Variants in SLC2A4 observed in about 807,000 individuals in gnomAD.
SLC2A4 encodes the protein solute carrier family 2, facilitated glucose transporter member 4.
Under a neutral mutation model 53.3 loss-of-function variants are expected in SLC2A4, and 31 were observed. The observed-to-expected ratio is 0.58, with a 90% CI of 0.44 to 0.78. The LOEUF is 0.78. Ranked by LOEUF, SLC2A4 falls within the 30% of genes least tolerant of loss-of-function variation. The pLI is 0.00. For synonymous variants in SLC2A4, 276 were observed against 281.9 expected (o/e 0.98, Z 0.21); for missense variants, 538 against 655.7 (o/e 0.82, Z 1.96).
Position 7,285,619 on chromosome 17 carries a change from G to T in SLC2A4, c.1123-86G>T. The T allele has an allele frequency of 4.5e-6, 6 of 1,334,466 alleles. No homozygotes were observed. The highest frequency in any genetic ancestry group is 6.4e-6 in the Non-Finnish European group (6 of 932,624). The allele number at this position is 1,334,466 out of a possible 1,614,324, so 82.7% of individuals were successfully genotyped here. The stretch of plus-strand genomic sequence containing the variant: ...CCCCCTACAAGCTGCTGCGGAGGGG[G>T]TTAGGTTTCACTTCTCTGAGTTGAG... On this transcript the variant is annotated intron_variant, in intron 9 of 10. Transcript: ENST00000317370. The surrounding 1 kb of genome is among the most constrained non-coding windows in gnomAD (Gnocchi z 6.0).
intron 10 of SLC2A4, 129 bp downstream of exon 10, chr17:7,286,037 C>T: frequency 2.5e-6 from 2 of 791,156 alleles, no homozygotes; most frequent in Non-Finnish European, 4.0e-6. Context: ...TTTGGTGGAC[C>T]ACCTGCTCCA....
In SLC2A4 at chr17:7,284,330, C is replaced by A. The variant is rs1391943878; in HGVS notation, c.678C>A (p.Ser226Arg). 19 of 1,614,156 alleles carry A rather than the reference C, an allele frequency of 1.2e-5. No homozygotes were observed. The highest frequency in any genetic ancestry group is 1.6e-5 in the Non-Finnish European group (19 of 1,180,038). Residue 226 changes from serine to arginine, a missense_variant, in exon 6 of 11, where the codon AGC becomes AGA. Coordinates refer to ENST00000317370, the MANE Select transcript of SLC2A4 (RefSeq NM_001042.3). This position sits in a 1 kb window ranked among gnomAD's most constrained non-coding sequence, Gnocchi z 7.5. ...TCCTGCTGCCCTTCTGTCCCGAGAG[C>A]CCCCGCTACCTCTACATCATCCAGA... ...QLVLLPFCPE[S>R]PRYLYIIQNL...
chr17:7,288,171 C>T lies in SLC2A4; in HGVS notation c.*1542C>T, dbSNP rs2072468316. 6.5e-6 allele frequency: 1 copy of T among 153,726 alleles called. No individual in the cohort carries two copies. 9.5% of individuals were successfully genotyped at this position (153,726 alleles called of 1,614,324 possible). ...TGGCAGCAAGGATGCCAGGCCCTGC[C>T]CACGGCCCCACATCCCCTCCTCCCC... On this transcript the variant is annotated 3_prime_UTR_variant, in exon 11 of 11. Coordinates refer to ENST00000317370, the MANE Select transcript of SLC2A4 (RefSeq NM_001042.3).
At position 7,285,721 on chromosome 17, in the gene SLC2A4, T is replaced by A; in HGVS notation, c.1139T>A (p.Met380Lys). Residue 380 changes from methionine (M) to lysine (K), a missense_variant, in exon 10 of 11, where the codon ATG (methionine) becomes AAG (lysine). Met to Lys is a moderately conservative substitution (Grantham distance 95, BLOSUM62 -1). Coordinates refer to ENST00000317370, the MANE Select transcript of SLC2A4 (RefSeq NM_001042.3). The surrounding 1 kb of genome is among the most constrained non-coding windows in gnomAD (Gnocchi z 6.0). Reference sequence around the variant, plus strand: ...GGCCCCTAGGAGCGAGTTCCAGCCATGAGCTACGTCTCCATTGTGGCCATC... The same window carrying A: ...GGCCCCTAGGAGCGAGTTCCAGCCAAGAGCTACGTCTCCATTGTGGCCATC... ...ALLLLERVPA[M>K]SYVSIVAIFG... The A allele has an allele frequency of 6.2e-7, 1 of 1,613,184 alleles. No individual in the cohort carries two copies. The highest frequency in any genetic ancestry group is 8.5e-7 in the Non-Finnish European group (1 of 1,179,102).
rs201812559 is a variant in SLC2A4, at chr17:7,284,463, G to A, written c.728-22G>A. The A allele has an allele frequency of 1.2e-6, 2 of 1,614,232 alleles. No individual in the cohort carries two copies. Among genetic ancestry groups the A allele is most frequent in the East Asian group, 2.2e-5 (1 of 44,890 alleles). ...CCTGGCTTCCTCTCAGGTCCCCTCA[G>A]GCCTGACCTTCCCTTCTCCAGGTCT... On this transcript the variant is annotated intron_variant, in intron 6 of 10. Transcript: ENST00000317370. The surrounding 1 kb of genome is among the most constrained non-coding windows in gnomAD (Gnocchi z 7.5).
At position 7,286,853 on chromosome 17, in the gene SLC2A4, C is replaced by T; in HGVS notation, c.*224C>T. On this transcript the variant is annotated 3_prime_UTR_variant, in exon 11 of 11. Coordinates refer to ENST00000317370, the MANE Select transcript of SLC2A4 (RefSeq NM_001042.3). Reference sequence around the variant, plus strand: ...TTATGTGTTGTGGTTTGGCCGTGGCCATCAGGGTGGGCCACTCTCCCCTCC... The same window carrying T: ...TTATGTGTTGTGGTTTGGCCGTGGCTATCAGGGTGGGCCACTCTCCCCTCC... The T allele has an allele frequency of 1.9e-6, 1 of 538,246 alleles. No individual in the cohort carries two copies. Among genetic ancestry groups the T allele is most frequent in the Non-Finnish European group, 3.4e-6 (1 of 297,310 alleles). 33.3% of individuals were successfully genotyped at this position (538,246 alleles called of 1,614,324 possible).
chr17:7,285,275 T>A lies in SLC2A4; in HGVS notation c.1122+86T>A. On this transcript the variant is annotated intron_variant, in intron 9 of 10. Transcript: ENST00000317370. The surrounding 1 kb of genome is among the most constrained non-coding windows in gnomAD (Gnocchi z 6.0). ...TCTGTGACCAGCCAGGGTCCCTTCT[T>A]AACACACATGCTTTCAATCCTGGCG... 1 of 1,102,196 alleles carries A rather than the reference T, an allele frequency of 9.1e-7. No individual in the cohort carries two copies. Among genetic ancestry groups the A allele is most frequent in the Non-Finnish European group, 1.3e-6 (1 of 748,374 alleles). The allele number at this position is 1,102,196 out of a possible 1,614,324, so 68.3% of individuals were successfully genotyped here. A position where few individuals can be genotyped will look rare whatever the true frequency, so the allele number is the denominator to read the frequency against.
chr17:7,286,389 C>A, intron 10 of SLC2A4, 37 bp from the exon 11 acceptor site: 1 of 1,594,506 alleles, frequency 6.3e-7, no homozygotes. Flanking sequence ...CCCTCCCCAC[C>A]TCACTCCGTC....
Position 7,283,304 on chromosome 17 carries a change from G to T in SLC2A4, c.93G>T (p.Ala31=). 1.2e-6 allele frequency: 2 copies of T among 1,614,132 alleles called. No individual in the cohort carries two copies. Among genetic ancestry groups the T allele is most frequent in the South Asian group, 2.2e-5 (2 of 91,084 alleles). ...CCCTGGTCCTTGCTGTGTTCTCTGC[G>T]GTGCTTGGCTCCCTGCAGTTTGGGT... is the stretch of plus-strand genomic sequence containing the variant. ...TGTLVLAVFS[A]VLGSLQFGYN... Residue 31 remains alanine, a synonymous_variant, in exon 2 of 11, where the codon GCG becomes GCT. Coordinates refer to ENST00000317370, the MANE Select transcript of SLC2A4 (RefSeq NM_001042.3). This position sits in a 1 kb window ranked among gnomAD's most constrained non-coding sequence, Gnocchi z 5.8.
chr17:7,281,720 CT>C lies in SLC2A4; in HGVS notation c.-211del. 6 of 613,050 alleles carry C rather than the reference CT, an allele frequency of 9.8e-6. No homozygotes were observed. The highest frequency in any genetic ancestry group is 1.9e-5 in the South Asian group (1 of 52,904). 38.0% of individuals were successfully genotyped at this position (613,050 alleles called of 1,614,324 possible). A position where few individuals can be genotyped will look rare whatever the true frequency, so the allele number is the denominator to read the frequency against. ...GCGAGGTGGCGGGGGCTTCTCGCGT[CT>C]TTTCCCCCAGCCCCGCTCCACCAGA... On this transcript the variant is annotated 5_prime_UTR_variant, in exon 1 of 11. Transcript: ENST00000317370.
In SLC2A4 at chr17:7,283,944, C is replaced by T. The variant is rs1408661798; in HGVS notation, c.449-30C>T. ...GCTTTCAGATGGGAATGGACACCTG[C>T]CCTCAGCCCTCTCTTCTTCCCTCGC... On this transcript the variant is annotated intron_variant, in intron 4 of 10. Transcript: ENST00000317370. The surrounding 1 kb of genome is among the most constrained non-coding windows in gnomAD (Gnocchi z 5.8). 1.2e-6 allele frequency: 2 copies of T among 1,612,808 alleles called. No individual in the cohort carries two copies. The highest frequency in any genetic ancestry group is 1.7e-6 in the Non-Finnish European group (2 of 1,178,874).
chr17:7,286,753 T>A lies in SLC2A4; in HGVS notation c.*124T>A. The A allele has an allele frequency of 1.1e-6, 1 of 902,188 alleles. No homozygotes were observed. The highest frequency in any genetic ancestry group is 1.8e-6 in the Non-Finnish European group (1 of 558,946). The allele number at this position is 902,188 out of a possible 1,614,324, so 55.9% of individuals were successfully genotyped here. On this transcript the variant is annotated 3_prime_UTR_variant, in exon 11 of 11. Coordinates refer to ENST00000317370, the MANE Select transcript of SLC2A4 (RefSeq NM_001042.3). ...CGGGTGGAAAAGAATCCCTGCAGCCTGGTAGAATTGGGAAGCTGGGGGAAG... is the reference window on the plus strand; with the variant it reads ...CGGGTGGAAAAGAATCCCTGCAGCCAGGTAGAATTGGGAAGCTGGGGGAAG...
At position 7,284,056 on chromosome 17, in the gene SLC2A4, A is replaced by C. The variant is rs1182326647; in HGVS notation, c.531A>C (p.Gln177His). ...GGGGCGCCCTGGGGACGCTCAACCA[A>C]CTGGCCATTGTTATCGGCATTCTGA... ...HLRGALGTLN[Q>H]LAIVIGILIA... is the part of the protein sequence containing the mutation. The change falls in exon 5 of 11, where the codon CAA (glutamine) becomes CAC (histidine). Residue 177 changes from glutamine (Q) to histidine (H), a missense_variant. Coordinates refer to ENST00000317370, the MANE Select transcript of SLC2A4 (RefSeq NM_001042.3). The surrounding 1 kb of genome is among the most constrained non-coding windows in gnomAD (Gnocchi z 7.5). 2 of 1,613,758 alleles carry C rather than the reference A, an allele frequency of 1.2e-6. No individual in the cohort carries two copies. Among genetic ancestry groups the C allele is most frequent in the South Asian group, 2.2e-5 (2 of 91,048 alleles).
rs367667985 is a variant in SLC2A4, at chr17:7,283,213, G to C, written c.34-32G>C. The C allele has an allele frequency of 1.3e-6, 2 of 1,562,684 alleles. No homozygotes were observed. Among genetic ancestry groups the C allele is most frequent in the Non-Finnish European group, 1.8e-6 (2 of 1,133,370 alleles). On this transcript the variant is annotated intron_variant, in intron 1 of 10. Transcript: ENST00000317370. This position sits in a 1 kb window ranked among gnomAD's most constrained non-coding sequence, Gnocchi z 5.8. Reference sequence around the variant, plus strand: ...AAGGAAAAAAATCATGGTTCCATGTGACATGCTGTGTCTTTGTGTCTGCCT... The same window carrying C: ...AAGGAAAAAAATCATGGTTCCATGTCACATGCTGTGTCTTTGTGTCTGCCT...
chr17:7,287,740 T>C lies in SLC2A4; in HGVS notation c.*1111T>C, dbSNP rs2072464198. On this transcript the variant is annotated 3_prime_UTR_variant, in exon 11 of 11. Transcript: ENST00000317370. ...GGAGGAGCCTTTGGATATTTTTATA[T>C]ACGTTTGAAAAGGGGATTGAGAGAA... The C allele has an allele frequency of 6.6e-6, 1 of 152,230 alleles. No individual in the cohort carries two copies. Among genetic ancestry groups the C allele is most frequent in the East Asian group, 1.9e-4 (1 of 5,192 alleles). The allele number at this position is 152,230 out of a possible 1,614,324, so 9.4% of individuals were successfully genotyped here. A position where few individuals can be genotyped will look rare whatever the true frequency, so the allele number is the denominator to read the frequency against.
Position 7,281,925 on chromosome 17 carries a change from C to G in SLC2A4, c.-10C>G. On this transcript the variant is annotated 5_prime_UTR_variant, in exon 1 of 11. Coordinates refer to ENST00000317370, the MANE Select transcript of SLC2A4 (RefSeq NM_001042.3). Reference sequence around the variant, plus strand: ...CGCCGCCCCTGCGCGTCCAGCTCTTCTAAGACGAGATGCCGTCGGGCTTCC... The same window carrying G: ...CGCCGCCCCTGCGCGTCCAGCTCTTGTAAGACGAGATGCCGTCGGGCTTCC... 1 of 1,587,332 alleles carries G rather than the reference C, an allele frequency of 6.3e-7. No individual in the cohort carries two copies. The highest frequency in any genetic ancestry group is 2.3e-5 in the East Asian group (1 of 43,382).
rs1343122146 is a variant in SLC2A4 at position 7,283,569 on chromosome 17, C to A, written c.247C>A (p.Leu83Ile). The A allele has an allele frequency of 1.9e-6, 3 of 1,613,978 alleles. No homozygotes were observed. In the South Asian group the frequency reaches 3.3e-5, roughly 18 times the overall value. ...PPGTLTTLWA[L>I]SVAIFSVGGM... is the part of the protein sequence containing the mutation. ...AGGCACCCTCACCACCCTCTGGGCC[C>A]TCTCCGTGGCCATCTTTTCCGTGGG... The change falls in exon 3 of 11, where the codon CTC (leucine) becomes ATC (isoleucine). Residue 83 changes from leucine to isoleucine, a missense_variant. Transcript: ENST00000317370. This position sits in a 1 kb window ranked among gnomAD's most constrained non-coding sequence, Gnocchi z 5.8.
At position 7,284,255 on chromosome 17, in the gene SLC2A4, G is replaced by A; in HGVS notation, c.603G>A (p.Leu201=). Residue 201 remains leucine, a synonymous_variant, in exon 6 of 11, where the codon CTG becomes CTA. Coordinates refer to ENST00000317370, the MANE Select transcript of SLC2A4 (RefSeq NM_001042.3). The surrounding 1 kb of genome is among the most constrained non-coding windows in gnomAD (Gnocchi z 7.5). Reference sequence around the variant, plus strand: ...AGTCCCTCCTGGGCACTGCCAGCCTGTGGCCACTGCTCCTGGGCCTCACAG... The same window carrying A: ...AGTCCCTCCTGGGCACTGCCAGCCTATGGCCACTGCTCCTGGGCCTCACAG... ...GLESLLGTAS[L]WPLLLGLTVL... 1.9e-6 allele frequency: 3 copies of A among 1,613,686 alleles called. No homozygotes were observed. The highest frequency in any genetic ancestry group is 2.5e-6 in the Non-Finnish European group (3 of 1,180,026).
In SLC2A4 at chr17:7,284,417, C is replaced by G; in HGVS notation, c.727+38C>G. On this transcript the variant is annotated intron_variant, in intron 6 of 10. Coordinates refer to ENST00000317370, the MANE Select transcript of SLC2A4 (RefSeq NM_001042.3). This position sits in a 1 kb window ranked among gnomAD's most constrained non-coding sequence, Gnocchi z 7.5. The stretch of plus-strand genomic sequence containing the variant: ...GCTGCAGCCTGGCCCAGGCCCATGC[C>G]TCCGCCTCATCTTGCTAGCACCTGG... 1 of 1,614,120 alleles carries G rather than the reference C, an allele frequency of 6.2e-7. No individual in the cohort carries two copies. Among genetic ancestry groups the G allele is most frequent in the Non-Finnish European group, 8.5e-7 (1 of 1,179,982 alleles).
Sources: gnomAD v4.1 joint callset for allele counts on GRCh38, gnomAD v4.1.1 for gene constraint, Gnocchi (gnomAD v3.1) non-coding constraint, MANE v1.5 for transcripts, NCBI Gene and HGNC (gene_info 2026-07-23, HGNC 2026-07-21) for gene names.